Variants in NRXN1 observed in about 807,000 individuals in gnomAD.
The protein encoded by NRXN1 is neurexin 1, also known as neurexin-1.
In NRXN1, 39 loss-of-function variants were observed where a neutral mutation model predicts 150.9. The observed-to-expected ratio is 0.26, with a 90% CI of 0.20 to 0.34. The LOEUF (loss-of-function observed/expected upper bound fraction) is 0.34. NRXN1 is among the 10% of genes least tolerant of loss of function. The pLI, the probability that NRXN1 is intolerant of heterozygous loss-of-function variation, is 1.00. For synonymous variants in NRXN1, 924 were observed against 757.0 expected, an observed-to-expected ratio of 1.22 and a Z score of -3.62; for missense variants, 1,815 against 1,949.9, an observed-to-expected ratio of 0.93 and a Z score of 1.30.
At chr2:51,010,826 C>T (rs1366268860) in intron 2 of NRXN1, among the ~76,000 whole-genome samples, 2 of 151,656 alleles carry the variant, frequency 1.3e-5, no homozygotes, top group Non-Finnish European at 2.9e-5. Context: ...GCTTTGCCAC[C>T]CAGGCTAGAG....
In NRXN1 at chr2:50,346,928, A is replaced by T; in HGVS notation, c.3365-109958T>A. ...CCGGGCGAGCCCAGCTCGGCGCCGCACCGGAGCATCCTCTGGTACATGGCG... is the reference window on the plus strand; with the variant it reads ...CCGGGCGAGCCCAGCTCGGCGCCGCTCCGGAGCATCCTCTGGTACATGGCG... On this transcript the variant is annotated intron_variant, in intron 17 of 22. Coordinates refer to ENST00000401669, the MANE Select transcript of NRXN1 (RefSeq NM_001330078.2). This position sits in a 1 kb window ranked among gnomAD's most constrained non-coding sequence, Gnocchi z 5.0. The T allele has an allele frequency of 7.6e-7, 1 of 1,314,410 alleles. No individual in the cohort carries two copies. The highest frequency in any genetic ancestry group is 1.8e-5 in the South Asian group (1 of 55,154). The allele number at this position is 1,314,410 out of a possible 1,614,324, so 81.4% of individuals were successfully genotyped here.
At chr2:50,293,994 T>A (rs2073260736) in intron 17 of NRXN1, among the ~76,000 whole-genome samples, 1 of 152,190 alleles carries the variant, frequency 6.6e-6, no homozygotes, top group Non-Finnish European at 1.5e-5. Context: ...ACTTACTAAC[T>A]TGGCTATGAC....
At chr2:50,690,846 C>A (rs1413792043) in intron 5 of NRXN1, among the ~76,000 whole-genome samples, 1 of 152,026 alleles carries the variant, frequency 6.6e-6, no homozygotes, top group Non-Finnish European at 1.5e-5. Context: ...TTAAATAAAC[C>A]ACTCCCCTCC....
chr2:50,922,944 GC>G (rs1686286927), intron 3 of NRXN1, among the ~76,000 whole-genome samples: 1 of 151,798 alleles, frequency 6.6e-6, no homozygotes, highest in Admixed American at 6.6e-5. Flanking sequence ...ACAACCAAGA[GC>G]ACAAGAGCAT....
chr2:50,304,882 G>C (rs2074473511), intron 17 of NRXN1, among the ~76,000 whole-genome samples: 1 of 152,104 alleles, frequency 6.6e-6, no homozygotes, highest in Middle Eastern at 3.2e-3. Context: ...AGAAGGTCAG[G>C]AGTTCGAGAC....
rs79247498 is a variant in NRXN1 at position 50,542,455 on chromosome 2, A to T, written c.1760-3819T>A. 7.3e-4 allele frequency among the ~76,000 whole-genome samples: 111 copies of T among 152,346 alleles called. 1 individual carries two copies. The highest frequency in any genetic ancestry group is 2.9e-3 in the East Asian group (15 of 5,182). On this transcript the variant is annotated intron_variant, in intron 9 of 22. Transcript: ENST00000401669. ...CACATCAGGCAAATGGATGGATCAG[A>T]TATCAGTCATTGGAATATTATGCAA...
intron 17 of NRXN1, among the ~76,000 whole-genome samples, chr2:50,296,004 A>G (rs955291546): frequency 2.6e-5 from 4 of 152,220 alleles, no homozygotes; most frequent in African/African-American, 9.6e-5. Flanking sequence ...TATGCAAAAT[A>G]TAGAATGATT....
chr2:50,926,170 T>C (rs1686850361), intron 2 of NRXN1, among the ~76,000 whole-genome samples: 1 of 151,964 alleles, frequency 6.6e-6, no homozygotes, highest in African/African-American at 2.4e-5. Flanking sequence ...ACTTTCATAA[T>C]ACTGCCATGC....
At chr2:51,016,223 A>G (rs1668641811) in intron 2 of NRXN1, among the ~76,000 whole-genome samples, 1 of 152,158 alleles carries the variant, frequency 6.6e-6, no homozygotes, top group Non-Finnish European at 1.5e-5. Context: ...CTAAAACACC[A>G]AAAGCAATGG....
At chr2:50,002,522 A>C (rs1573341262) in intron 21 of NRXN1, among the ~76,000 whole-genome samples, 1 of 152,270 alleles carries the variant, frequency 6.6e-6, no homozygotes, top group East Asian at 1.9e-4. Flanking sequence ...TTCAGATTCC[A>C]GTTAAGGAAT....
chr2:49,981,208 C>G (rs1237659888), intron 21 of NRXN1, among the ~76,000 whole-genome samples: 3 of 152,036 alleles, frequency 2.0e-5, no homozygotes, highest in African/African-American at 4.8e-5. Flanking sequence ...TTGATCCAAC[C>G]TCAAGACCCA....
chr2:50,280,864 T>A (rs1175222327), intron 17 of NRXN1, among the ~76,000 whole-genome samples: 2 of 152,146 alleles, frequency 1.3e-5, no homozygotes, highest in African/African-American at 4.8e-5. Flanking sequence ...TGGTTGTTGT[T>A]GTTTTGTTTG....
intron 2 of NRXN1, among the ~76,000 whole-genome samples, chr2:51,012,517 T>C (rs1668041681): frequency 6.6e-6 from 1 of 152,076 alleles, no homozygotes; most frequent in Non-Finnish European, 1.5e-5. Context: ...CAGATCTTCA[T>C]ATACTATAAT....
At chr2:50,759,463 G>T (rs888003358) in intron 5 of NRXN1, among the ~76,000 whole-genome samples, 1 of 151,888 alleles carries the variant, frequency 6.6e-6, no homozygotes, top group Non-Finnish European at 1.5e-5. Context: ...TACCATCTTG[G>T]TGTACGATCT....
intron 18 of NRXN1, among the ~76,000 whole-genome samples, chr2:50,133,131 G>C (rs1000400295): frequency 1.1e-4 from 16 of 152,172 alleles, no homozygotes; most frequent in African/African-American, 3.9e-4. Flanking sequence ...GTCAGATGAA[G>C]ACAGCAAAAA....
At chr2:50,187,802 C>G (rs1353188301) in intron 18 of NRXN1, among the ~76,000 whole-genome samples, 1 of 152,020 alleles carries the variant, frequency 6.6e-6, no homozygotes, top group Non-Finnish European at 1.5e-5. Context: ...CTTCACATCC[C>G]TTGTAAGTTG....
chr2:50,653,759 A>G (rs1325554279), intron 5 of NRXN1, among the ~76,000 whole-genome samples: 1 of 152,024 alleles, frequency 6.6e-6, no homozygotes, highest in Non-Finnish European at 1.5e-5. Flanking sequence ...CATACTGACC[A>G]CATGATCAGA....
At chr2:50,222,801 G>C (rs1052783743) in intron 18 of NRXN1, among the ~76,000 whole-genome samples, 1 of 151,588 alleles carries the variant, frequency 6.6e-6, no homozygotes, top group African/African-American at 2.4e-5. Flanking sequence ...AGAATGTTCA[G>C]GTATGTTAGC....
intron 2 of NRXN1, among the ~76,000 whole-genome samples, chr2:50,934,245 A>C (rs1450752961): frequency 6.6e-6 from 1 of 152,156 alleles, no homozygotes; most frequent in Non-Finnish European, 1.5e-5. Flanking sequence ...TACAAAAGTT[A>C]ACGTGAATAG....
Sources: gnomAD v4.1 joint callset for allele counts (sites outside exome capture counted in the v4.1 genomes callset) on GRCh38, gnomAD v4.1.1 for gene constraint, Gnocchi (gnomAD v3.1) non-coding constraint, MANE v1.5 for transcripts, NCBI Gene and HGNC (gene_info 2026-07-23, HGNC 2026-07-21) for gene names.